Variants in TBC1D1 observed in about 807,000 individuals in gnomAD.
TBC1D1 encodes TBC1 domain family member 1.
A neutral mutation model predicts 125.6 loss-of-function variants in TBC1D1; 89 were observed. The ratio of observed to expected loss-of-function variants is 0.71; its 90% CI spans 0.60 to 0.85. The LOEUF (loss-of-function observed/expected upper bound fraction) is 0.85. TBC1D1 is among the 40% of genes least tolerant of loss of function. The pLI is 0.00. For synonymous variants in TBC1D1, 565 were observed against 564.1 expected (o/e 1.00, Z -0.02); for missense variants, 1,377 against 1,469.2 (o/e 0.94, Z 1.03).
chr4:38,005,714 G>A (rs999416019), intron 2 of TBC1D1, among the ~76,000 whole-genome samples: 1 of 152,216 alleles, frequency 6.6e-6, no homozygotes, highest in Non-Finnish European at 1.5e-5. Context: ...TTCCTTTGCT[G>A]TGTTTTTCAT....
At chr4:38,033,052 G>A (rs888702350) in intron 7 of TBC1D1, among the ~76,000 whole-genome samples, 7 of 152,112 alleles carry the variant, frequency 4.6e-5, no homozygotes, top group African/African-American at 1.7e-4. Context: ...GCTCCATGAC[G>A]CAGTCTCTGA....
chr4:37,906,136 C>A (rs917874955), intron 2 of TBC1D1, among the ~76,000 whole-genome samples: 1 of 151,256 alleles, frequency 6.6e-6, no homozygotes, highest in Non-Finnish European at 1.5e-5. Context: ...AATATTGTCT[C>A]GTCCCTTCTT....
chr4:37,948,637 A>G (rs913608347), intron 2 of TBC1D1, among the ~76,000 whole-genome samples: 6 of 152,080 alleles, frequency 3.9e-5, no homozygotes, highest in Non-Finnish European at 5.9e-5. Flanking sequence ...CAAAAAAAAA[A>G]AAAAATTACC....
intron 2 of TBC1D1, among the ~76,000 whole-genome samples, chr4:37,987,739 C>A (rs1735745365): frequency 6.6e-6 from 1 of 152,082 alleles, no homozygotes; most frequent in South Asian, 2.1e-4. Context: ...CAATGATAGA[C>A]CGAAAGAGGT....
In TBC1D1 at chr4:37,943,150, G is replaced by A. The variant is rs1415750058; in HGVS notation, c.417+40638G>A. On this transcript the variant is annotated intron_variant, in intron 2 of 19. Coordinates refer to ENST00000261439, the MANE Select transcript of TBC1D1 (RefSeq NM_015173.4). ...GTTGAAAATTATTTTCTTTAAGAAT[G>A]TTGAATATTGGCCCCCACTCTCTTC... is the stretch of plus-strand genomic sequence containing the variant. Among the ~76,000 whole-genome samples, 12 of 152,206 alleles carry A rather than the reference G, an allele frequency of 7.9e-5. No individual in the cohort carries two copies. The East Asian group carries it at 2.1e-3, about 27-fold the overall frequency.
chr4:38,020,453 G>C, intron 4 of TBC1D1, 138 bp from the exon 5 acceptor site: 1 of 629,826 alleles, frequency 1.6e-6, no homozygotes, highest in Non-Finnish European at 2.7e-6. Context: ...ACTCCAGCCT[G>C]GGCAACAAGA....
intron 15 of TBC1D1, among the ~76,000 whole-genome samples, chr4:38,105,675 GT>G (rs771491639): frequency 2.6e-5 from 4 of 152,144 alleles, no homozygotes; most frequent in Non-Finnish European, 5.9e-5. Context: ...TCATTTCTAA[GT>G]GAGAACATGT....
chr4:37,911,871 A>G (rs566921069), intron 2 of TBC1D1, among the ~76,000 whole-genome samples: 1 of 152,338 alleles, frequency 6.6e-6, no homozygotes, highest in African/African-American at 2.4e-5. Context: ...GGGCTAGTGT[A>G]ATAAATGCCT....
chr4:38,031,418 A>T (rs1746104665), intron 7 of TBC1D1, among the ~76,000 whole-genome samples: 2 of 152,232 alleles, frequency 1.3e-5, no homozygotes, highest in African/African-American at 4.8e-5. Context: ...TTTTAAAATG[A>T]TGTTAGACTG....
chr4:38,120,457 A>G (rs1227778122), intron 17 of TBC1D1, among the ~76,000 whole-genome samples: 1 of 152,220 alleles, frequency 6.6e-6, no homozygotes, highest in Non-Finnish European at 1.5e-5. Context: ...TTTATATTTC[A>G]AAGCCTGCCA....
intron 8 of TBC1D1, among the ~76,000 whole-genome samples, chr4:38,041,612 C>T (rs1304631860): frequency 2.0e-5 from 3 of 152,128 alleles, no homozygotes; most frequent in Non-Finnish European, 4.4e-5. Context: ...AATATTTGCA[C>T]TCTGACTAAA....
rs140030891 is a variant in TBC1D1, at chr4:37,984,055, A to G, written c.418-30454A>G. On this transcript the variant is annotated intron_variant, in intron 2 of 19. Transcript: ENST00000261439. The stretch of plus-strand genomic sequence containing the variant: ...TTCGGATTGGCTTCTTTCACTAAGT[A>G]TATGCATTTAAGTTTCCTGTGTGCT... Among the ~76,000 whole-genome samples, 80 of 152,192 alleles carry G rather than the reference A, an allele frequency of 5.3e-4. 1 individual carries two copies. In the East Asian group the frequency reaches 0.015, roughly 29 times the overall value.
chr4:37,992,134 G>A (rs1736707243), intron 2 of TBC1D1, among the ~76,000 whole-genome samples: 1 of 152,220 alleles, frequency 6.6e-6, no homozygotes, highest in Non-Finnish European at 1.5e-5. Context: ...AGGTTTGTGA[G>A]CAGGAGGCTG....
chr4:37,902,195 C>T lies in TBC1D1; in HGVS notation c.100C>T (p.Leu34=). The T allele has an allele frequency of 6.2e-7, 1 of 1,614,144 alleles. No homozygotes were observed. The highest frequency in any genetic ancestry group is 2.2e-5 in the East Asian group (1 of 44,876). Reference sequence around the variant, plus strand: ...GGTGGGCTCCCTGCCTGTGCATTCCCTGACCACCATGCCCATGCTGCCCTG... The same window carrying T: ...GGTGGGCTCCCTGCCTGTGCATTCCTTGACCACCATGCCCATGCTGCCCTG... The change falls in exon 2 of 20, where the codon CTG becomes TTG. Residue 34 remains leucine, a synonymous_variant. Coordinates refer to ENST00000261439, the MANE Select transcript of TBC1D1 (RefSeq NM_015173.4).
At chr4:38,119,907 C>G in intron 17 of TBC1D1, 1 of 984,694 alleles carries the variant, frequency 1.0e-6, no homozygotes, top group South Asian at 4.7e-5. Flanking sequence ...GCCCTGGGGC[C>G]CCAGGCACTG....
chr4:38,059,769 T>C (rs2152495011), intron 12 of TBC1D1, among the ~76,000 whole-genome samples: 1 of 152,326 alleles, frequency 6.6e-6, no homozygotes, highest in African/African-American at 2.4e-5. Context: ...GATGTGCAGG[T>C]TTGTTACATG....
At chr4:37,894,180 G>A (rs986725436) in intron 1 of TBC1D1, among the ~76,000 whole-genome samples, 4 of 152,010 alleles carry the variant, frequency 2.6e-5, no homozygotes, top group Non-Finnish European at 5.9e-5. Flanking sequence ...GTAGAGGCGA[G>A]GTTTCACCAT....
Position 38,044,417 on chromosome 4 carries a change from G to T in TBC1D1, c.1469G>T (p.Arg490Leu). The T allele has an allele frequency of 6.2e-7, 1 of 1,613,582 alleles. No homozygotes were observed. Among genetic ancestry groups the T allele is most frequent in the Middle Eastern group, 1.7e-4 (1 of 6,060 alleles). The change falls in exon 9 of 20, where the codon CGA becomes CTA. Residue 490 changes from arginine (R) to leucine (L), a missense_variant. By Grantham distance (102) the Arg-to-Leu change is moderately radical (BLOSUM62 -2). Transcript: ENST00000261439. ...AGTGAATTACCACCCAGTGCCACTC[G>T]ATTTAGGCTAGATATGCTGAAAAAC...
At chr4:38,105,944 A>C (rs1476287713) in intron 15 of TBC1D1, among the ~76,000 whole-genome samples, 1 of 152,092 alleles carries the variant, frequency 6.6e-6, no homozygotes, top group Non-Finnish European at 1.5e-5. Flanking sequence ...TTTTGTTTTG[A>C]GTATATACTC....
Sources: allele counts gnomAD v4.1 joint callset (sites outside exome capture counted in the v4.1 genomes callset), GRCh38; gene constraint gnomAD v4.1.1; transcripts MANE v1.5; gene names NCBI Gene and HGNC (gene_info 2026-07-23, HGNC 2026-07-21).